Variants in CSMD1 observed in about 807,000 individuals in gnomAD.
CSMD1 encodes the protein CUB and Sushi multiple domains 1.
In CSMD1, 213 loss-of-function variants were observed where a neutral mutation model predicts 417.5. The observed-to-expected ratio is 0.51, with a 90% CI of 0.46 to 0.57. The LOEUF is 0.57. CSMD1 is among the 20% of genes least tolerant of loss of function. The probability of loss-of-function intolerance (pLI) is 0.00; values close to 1 mark genes in which losing one functional copy is unlikely to be tolerated. For synonymous variants in CSMD1, 2,862 were observed against 1,736.8 expected, an observed-to-expected ratio of 1.65 and a Z score of -16.11; for missense variants, 6,923 against 4,529.7, an observed-to-expected ratio of 1.53 and a Z score of -15.17.
At chr8:3,972,235 A>C (rs565424055) in intron 5 of CSMD1, among the ~76,000 whole-genome samples, 1 of 152,220 alleles carries the variant, frequency 6.6e-6, no homozygotes, top group Non-Finnish European at 1.5e-5. Flanking sequence ...AAAAAAAAGA[A>C]CTTCAATTAA....
At chr8:3,949,979 C>T in intron 5 of CSMD1, 1 of 455,902 alleles carries the variant, frequency 2.2e-6, no homozygotes, top group Non-Finnish European at 4.4e-6. Flanking sequence ...TGTCTCCAGG[C>T]TTGCATGAAA....
intron 5 of CSMD1, among the ~76,000 whole-genome samples, chr8:3,827,487 T>G (rs562571938): frequency 6.6e-6 from 1 of 152,324 alleles, no homozygotes; most frequent in African/African-American, 2.4e-5. Flanking sequence ...CGACGTGGTT[T>G]TTAACTTGTA....
intron 21 of CSMD1, among the ~76,000 whole-genome samples, chr8:3,356,470 T>A (rs992765078): frequency 9.9e-5 from 15 of 151,846 alleles, no homozygotes; most frequent in Non-Finnish European, 2.2e-4. Flanking sequence ...TGGTCAGGAG[T>A]CCGAGACCAG....
intron 5 of CSMD1, among the ~76,000 whole-genome samples, chr8:3,944,300 C>T (rs913566738): frequency 3.9e-5 from 6 of 151,994 alleles, no homozygotes; most frequent in Admixed American, 2.6e-4. Flanking sequence ...TCAGTTTGAG[C>T]CCCGGATAAT....
At chr8:4,881,270 A>G (rs1803378193) in intron 1 of CSMD1, among the ~76,000 whole-genome samples, 1 of 152,130 alleles carries the variant, frequency 6.6e-6, no homozygotes, top group African/African-American at 2.4e-5. Flanking sequence ...CTGTGACTTC[A>G]TTGCCAGACT....
chr8:4,980,016 G>T (rs1299469803), intron 1 of CSMD1, among the ~76,000 whole-genome samples: 2 of 152,138 alleles, frequency 1.3e-5, no homozygotes, highest in Non-Finnish European at 2.9e-5. Flanking sequence ...CAGCCTGGGC[G>T]ACAGAGTGAG....
intron 4 of CSMD1, 30 bp downstream of exon 4, chr8:4,031,875 C>T (rs371423284): frequency 6.4e-7 from 1 of 1,564,194 alleles, no homozygotes; most frequent in Non-Finnish European, 8.7e-7. Context: ...GCCCTGGAGT[C>T]TGCTCACCAG....
chr8:3,534,126 C>A (rs1798092761), intron 10 of CSMD1, among the ~76,000 whole-genome samples: 1 of 152,182 alleles, frequency 6.6e-6, no homozygotes, highest in African/African-American at 2.4e-5. Context: ...CCCGCTCTCA[C>A]TCATATGCAC....
At chr8:3,088,993 CT>C (rs1292611075) in intron 48 of CSMD1, among the ~76,000 whole-genome samples, 2 of 152,126 alleles carry the variant, frequency 1.3e-5, no homozygotes, top group African/African-American at 4.8e-5. Context: ...GCTCCGTTTT[CT>C]TTTACTGTGT....
At chr8:4,706,601 G>A (rs571946386) in intron 1 of CSMD1, among the ~76,000 whole-genome samples, 2 of 152,314 alleles carry the variant, frequency 1.3e-5, no homozygotes, top group East Asian at 3.9e-4. Context: ...CAACTATTTA[G>A]GAAGTGTCTA....
At chr8:4,843,836 C>G (rs1483057149) in intron 1 of CSMD1, among the ~76,000 whole-genome samples, 1 of 152,186 alleles carries the variant, frequency 6.6e-6, no homozygotes, top group Admixed American at 6.5e-5. Flanking sequence ...CACAGGAGAG[C>G]TGAACCCTGA....
chr8:3,995,380 C>A (rs992785755), intron 5 of CSMD1, among the ~76,000 whole-genome samples: 3 of 145,476 alleles, frequency 2.1e-5, no homozygotes, highest in East Asian at 4.0e-4. Context: ...CACATACACA[C>A]AAAACACTCT....
chr8:4,428,071 T>G (rs1797666786), intron 2 of CSMD1, among the ~76,000 whole-genome samples: 1 of 152,168 alleles, frequency 6.6e-6, no homozygotes, highest in Non-Finnish European at 1.5e-5. Context: ...ACATGTCTCG[T>G]TTTCATATCA....
At chr8:3,092,932 G>C (rs907432400) in intron 47 of CSMD1, among the ~76,000 whole-genome samples, 2 of 152,148 alleles carry the variant, frequency 1.3e-5, no homozygotes, top group Non-Finnish European at 2.9e-5. Context: ...ATGCTATGAA[G>C]TAAAGTGACA....
chr8:3,851,012 GT>G, intron 5 of CSMD1, among the ~76,000 whole-genome samples: 1 of 152,306 alleles, frequency 6.6e-6, no homozygotes, highest in South Asian at 2.1e-4. Flanking sequence ...ATATCTATGT[GT>G]TTTTCCTGCA....
intron 1 of CSMD1, among the ~76,000 whole-genome samples, chr8:4,971,358 T>C (rs139812235): frequency 3.3e-5 from 5 of 152,196 alleles, no homozygotes; most frequent in East Asian, 3.9e-4. Flanking sequence ...AACAACTCTA[T>C]GGTAAAATAG....
At chr8:4,357,855 A>T (rs1801517264) in intron 3 of CSMD1, among the ~76,000 whole-genome samples, 3 of 152,160 alleles carry the variant, frequency 2.0e-5, no homozygotes, top group Admixed American at 1.3e-4. Context: ...TATCACTTAA[A>T]ATTTATCATA....
intron 1 of CSMD1, among the ~76,000 whole-genome samples, chr8:4,893,723 T>C (rs1804284219): frequency 6.6e-6 from 1 of 152,184 alleles, no homozygotes; most frequent in Admixed American, 6.5e-5. Context: ...CATAAAAGTC[T>C]TCTTCTGGAC....
At chr8:3,479,351 G>A (rs908602679) in intron 11 of CSMD1, among the ~76,000 whole-genome samples, 7 of 152,066 alleles carry the variant, frequency 4.6e-5, no homozygotes, top group African/African-American at 1.2e-4. Context: ...CATGATCTTG[G>A]CTCACCGCAA....
Sources: allele counts gnomAD v4.1 joint callset (sites outside exome capture counted in the v4.1 genomes callset), GRCh38; gene constraint gnomAD v4.1.1; transcripts MANE v1.5; gene names NCBI Gene and HGNC (gene_info 2026-07-23, HGNC 2026-07-21).